Variants in SYN3 observed in about 807,000 individuals in gnomAD.
The protein encoded by SYN3 is synapsin III.
Under a neutral mutation model 65.8 loss-of-function variants are expected in SYN3, and 35 were observed. That is an observed-to-expected ratio of 0.53 (90% CI 0.41 to 0.70). SYN3 has a LOEUF of 0.70. Ranked by LOEUF, SYN3 falls within the 30% of genes least tolerant of loss-of-function variation. The pLI is 0.00. For synonymous variants in SYN3, 270 were observed against 292.9 expected (o/e 0.92, Z 0.80); for missense variants, 680 against 749.0 (o/e 0.91, Z 1.08).
intron 8 of SYN3, among the ~76,000 whole-genome samples, chr22:32,539,280 C>A (rs372404612): frequency 6.6e-6 from 1 of 151,780 alleles, no homozygotes; most frequent in Non-Finnish European, 1.5e-5. Flanking sequence ...GTGAACCATT[C>A]TGAGACTGGG....
At chr22:33,009,761 C>T (rs1016453563) in intron 1 of SYN3, among the ~76,000 whole-genome samples, 1 of 109,392 alleles carries the variant, frequency 9.1e-6, no homozygotes, top group Non-Finnish European at 2.0e-5. Context: ...AACACACACA[C>T]ACACACACAC....
At position 32,528,879 on chromosome 22, in the gene SYN3, G is replaced by T; in HGVS notation, c.1225C>A (p.Pro409Thr). The change falls in exon 11 of 14, where the codon CCT becomes ACT. Residue 409 changes from proline (P) to threonine (T), a missense_variant. Transcript: ENST00000358763. Reference sequence around the variant, plus strand: ...TTTGATCGTGAGGGTCTTACCCAAGGTCTGAGGGGGGAGGGCGCTGTGCCT... The same window carrying T: ...TTTGATCGTGAGGGTCTTACCCAAGTTCTGAGGGGGGAGGGCGCTGTGCCT... ...PGGTAPSPLRPWAPQIKSAKS... is the reference protein window; with the variant it reads ...PGGTAPSPLRTWAPQIKSAKS... 1.2e-6 allele frequency: 2 copies of T among 1,614,154 alleles called. No homozygotes were observed. Among genetic ancestry groups the T allele is most frequent in the South Asian group, 1.1e-5 (1 of 91,084 alleles).
intron 1 of SYN3, among the ~76,000 whole-genome samples, chr22:33,040,407 T>G (rs968858855): frequency 6.6e-6 from 1 of 152,192 alleles, no homozygotes; most frequent in Admixed American, 6.5e-5. Flanking sequence ...ACATGCATCA[T>G]GCCTTTCATG....
intron 7 of SYN3, among the ~76,000 whole-genome samples, chr22:32,595,139 T>A (rs2059181446): frequency 6.6e-6 from 1 of 152,174 alleles, no homozygotes; most frequent in South Asian, 2.1e-4. Context: ...TGACTGGTGT[T>A]AAACTATCTC....
intron 6 of SYN3, among the ~76,000 whole-genome samples, chr22:32,698,674 C>G (rs1346599571): frequency 4.6e-5 from 7 of 152,154 alleles, no homozygotes; most frequent in Admixed American, 1.3e-4. Context: ...TCCTTAGTAC[C>G]TAGCAAAGCT....
At chr22:32,998,776 T>TAAAAAAAAAAAAAAAAAAAA (rs34372968) in intron 2 of SYN3, among the ~76,000 whole-genome samples, 3 of 82,004 alleles carry the variant, frequency 3.7e-5, no homozygotes, top group African/African-American at 1.5e-4. Context: ...ATAGAAATAG[T>TAAAAAAAAAAAAAAAAAAAA]AAAAAAAAAA....
chr22:32,601,933 T>G (rs921960689), intron 6 of SYN3, among the ~76,000 whole-genome samples: 20 of 139,888 alleles, frequency 1.4e-4, no homozygotes, highest in African/African-American at 2.0e-4. Context: ...CCAGAGCTTT[T>G]CTTTTCTTTT....
chr22:32,581,253 G>T (rs1276028435), intron 7 of SYN3, among the ~76,000 whole-genome samples: 1 of 152,152 alleles, frequency 6.6e-6, no homozygotes, highest in Non-Finnish European at 1.5e-5. Flanking sequence ...GAGACTACAG[G>T]CGCCCACCAC....
At chr22:32,800,726 G>A (rs1412183438) in intron 6 of SYN3, among the ~76,000 whole-genome samples, 2 of 152,208 alleles carry the variant, frequency 1.3e-5, no homozygotes, top group African/African-American at 4.8e-5. Context: ...CATGGGCAGG[G>A]AACCACTTCC....
At chr22:32,600,332 C>G (rs1331174215) in intron 6 of SYN3, among the ~76,000 whole-genome samples, 1 of 151,976 alleles carries the variant, frequency 6.6e-6, no homozygotes, top group Non-Finnish European at 1.5e-5. Context: ...TCTGATCTGA[C>G]AGGAGATGGG....
intron 6 of SYN3, among the ~76,000 whole-genome samples, chr22:32,659,760 A>T (rs1022728243): frequency 1.3e-5 from 2 of 152,174 alleles, no homozygotes; most frequent in Non-Finnish European, 2.9e-5. Context: ...ATACATGGGC[A>T]GGCAACCTGG....
At chr22:32,534,061 G>A (rs1427705511) in intron 9 of SYN3, among the ~76,000 whole-genome samples, 166 bp from the exon 10 acceptor site, 2 of 152,154 alleles carry the variant, frequency 1.3e-5, no homozygotes, top group African/African-American at 2.4e-5. Flanking sequence ...ACAGAAAGAC[G>A]GAGAGAGAGT....
rs903578623 is a variant in SYN3, at chr22:33,015,291, C to A, written c.-162-8467G>T. 3.9e-5 allele frequency: 22 copies of A among 569,026 alleles called. 1 individual carries two copies. Among genetic ancestry groups the A allele is most frequent in the East Asian group, 2.6e-4 (4 of 15,634 alleles). The allele number at this position is 569,026 out of a possible 1,614,324, so 35.2% of individuals were successfully genotyped here. ...TCCAAAAGGAGCAGACTATTTTAAA[C>A]GGCGTTTGAACAACATTTTCCTTAA... On this transcript the variant is annotated intron_variant, in intron 1 of 13. Transcript: ENST00000358763.
At chr22:32,559,908 G>A (rs940493422) in intron 7 of SYN3, among the ~76,000 whole-genome samples, 1 of 152,246 alleles carries the variant, frequency 6.6e-6, no homozygotes, top group African/African-American at 2.4e-5. Context: ...CTCAGGAGTT[G>A]GGTGAGTGGG....
intron 6 of SYN3, among the ~76,000 whole-genome samples, chr22:32,665,943 G>T (rs966329007): frequency 1.3e-5 from 2 of 151,980 alleles, no homozygotes; most frequent in Admixed American, 1.3e-4. Context: ...GATGTCCAAC[G>T]AAATCACACA....
chr22:32,659,462 G>C (rs1002658447), intron 6 of SYN3, among the ~76,000 whole-genome samples: 2 of 152,064 alleles, frequency 1.3e-5, no homozygotes, highest in African/African-American at 4.8e-5. Flanking sequence ...ACTCTTCCTG[G>C]GAGACAAGAG....
At position 33,015,381 on chromosome 22, in the gene SYN3, A is replaced by G. The variant is rs1465416607; in HGVS notation, c.-162-8557T>C. ...TACTGTACAGGGCGAATTTGTAATG[A>G]AAGAGCTAGAAGCCTTATATTTCTT... On this transcript the variant is annotated intron_variant, in intron 1 of 13. Transcript: ENST00000358763. 16 of 451,650 alleles carry G rather than the reference A, an allele frequency of 3.5e-5. No homozygotes were observed. In the Admixed American group the frequency reaches 4.6e-4, roughly 13 times the overall value. 28.0% of individuals were successfully genotyped at this position (451,650 alleles called of 1,614,324 possible). A position where few individuals can be genotyped will look rare whatever the true frequency, so the allele number is the denominator to read the frequency against.
intron 1 of SYN3, among the ~76,000 whole-genome samples, chr22:33,029,482 C>T (rs964600737): frequency 8.5e-5 from 13 of 152,086 alleles, no homozygotes; most frequent in Admixed American, 4.6e-4. Flanking sequence ...CATGCCCAAC[C>T]CTAAAAATGA....
At chr22:32,996,857 T>C (rs1423775330) in intron 2 of SYN3, among the ~76,000 whole-genome samples, 1 of 152,216 alleles carries the variant, frequency 6.6e-6, no homozygotes, top group Non-Finnish European at 1.5e-5. Flanking sequence ...AGGGCGGGGC[T>C]GCCTGGCTCG....
Sources: allele counts gnomAD v4.1 joint callset (sites outside exome capture counted in the v4.1 genomes callset), GRCh38; gene constraint gnomAD v4.1.1; transcripts MANE v1.5; gene names NCBI Gene and HGNC (gene_info 2026-07-23, HGNC 2026-07-21).